MYPN: variants seen among roughly 807,000 people sequenced by gnomAD.
The protein encoded by MYPN is myopalladin, also known as sarcomeric protein myopalladin, 145 kDa (MYOP).
In MYPN, 63 loss-of-function variants were observed where a neutral mutation model predicts 129.4. The ratio of observed to expected loss-of-function variants is 0.49; its 90% CI spans 0.40 to 0.60. The LOEUF (loss-of-function observed/expected upper bound fraction) is 0.60, where lower values mean the gene tolerates loss of function less well. Ranked by LOEUF, MYPN falls within the 20% of genes least tolerant of loss-of-function variation. The probability of loss-of-function intolerance (pLI) is 0.00; values close to 1 mark genes in which losing one functional copy is unlikely to be tolerated. For missense variants in MYPN, 1,596 were observed against 1,635.4 expected (o/e 0.98, Z 0.42); for synonymous variants, 629 against 600.9 (o/e 1.05, Z -0.68).
intron 1 of MYPN, among the ~76,000 whole-genome samples, chr10:68,116,069 T>C (rs1411349271): frequency 6.6e-6 from 1 of 152,226 alleles, no homozygotes; most frequent in Non-Finnish European, 1.5e-5. Flanking sequence ...AGAATGTCAG[T>C]TCCATTAGGA....
intron 19 of MYPN, among the ~76,000 whole-genome samples, chr10:68,208,874 A>G (rs780325523): frequency 2.0e-4 from 30 of 152,120 alleles, no homozygotes; most frequent in Admixed American, 3.9e-4. Context: ...GAAATGCAGT[A>G]GTCCAGTTAA....
rs557963282 is a variant in MYPN at position 68,145,520 on chromosome 10, T to C, written c.1124T>C (p.Met375Thr). The change falls in exon 4 of 20, where the codon ATG (methionine) becomes ACG (threonine). Residue 375 changes from methionine (M) to threonine (T), a missense_variant. Coordinates refer to ENST00000358913, the MANE Select transcript of MYPN (RefSeq NM_032578.4). ...GAAGGCGACCCTAACAAGGAAGAGA[T>C]GAATCGGTAATTCTGATTTTCTGTC... is the stretch of plus-strand genomic sequence containing the variant. The part of the protein sequence containing the change: ...DSEGDPNKEE[M>T]NRIQKPNEVS... The C allele has an allele frequency of 8.1e-6, 13 of 1,612,924 alleles. No homozygotes were observed. In the East Asian group the frequency reaches 1.3e-4, roughly 17 times the overall value.
chr10:68,095,528 C>T (rs1365999247), intron 1 of MYPN, among the ~76,000 whole-genome samples: 1 of 152,180 alleles, frequency 6.6e-6, no homozygotes, highest in Non-Finnish European at 1.5e-5. Flanking sequence ...TACAACTCCA[C>T]AAACTGAGTA....
intron 2 of MYPN, among the ~76,000 whole-genome samples, chr10:68,123,415 G>A (rs1447566000): frequency 1.3e-5 from 2 of 149,350 alleles, no homozygotes; most frequent in African/African-American, 4.9e-5. Flanking sequence ...AGTGGCTCAC[G>A]CCTGCAATCC....
chr10:68,140,551 A>T (rs2042560894), intron 2 of MYPN, among the ~76,000 whole-genome samples: 1 of 152,054 alleles, frequency 6.6e-6, no homozygotes, highest in Non-Finnish European at 1.5e-5. Context: ...AATCATTCAG[A>T]ATTGATGGTA....
chr10:68,158,448 A>C (rs753430646), intron 6 of MYPN, 38 bp from the exon 7 acceptor site: 17 of 1,595,634 alleles, frequency 1.1e-5, no homozygotes, highest in Non-Finnish European at 1.4e-5. Context: ...AAAAATGTGT[A>C]CTTTTTTGTT....
intron 1 of MYPN, among the ~76,000 whole-genome samples, chr10:68,099,519 C>T (rs1162037392): frequency 6.6e-6 from 1 of 152,034 alleles, no homozygotes; most frequent in African/African-American, 2.4e-5. Flanking sequence ...CCTGTCATCC[C>T]AGCCTCATGT....
chr10:68,137,769 C>G (rs2042510028), intron 2 of MYPN, among the ~76,000 whole-genome samples: 1 of 151,522 alleles, frequency 6.6e-6, no homozygotes, highest in Admixed American at 6.6e-5. Flanking sequence ...TTTTTTTTTA[C>G]TTGAAATGTC....
At chr10:68,155,392 C>T (rs2042854924) in intron 6 of MYPN, among the ~76,000 whole-genome samples, 1 of 152,172 alleles carries the variant, frequency 6.6e-6, no homozygotes, top group Non-Finnish European at 1.5e-5. Context: ...TCCCAGATGA[C>T]CAGTTTAGTG....
chr10:68,160,688 G>C (rs887353892), intron 7 of MYPN, among the ~76,000 whole-genome samples: 1 of 151,762 alleles, frequency 6.6e-6, no homozygotes, highest in East Asian at 2.0e-4. Flanking sequence ...AGGCTGAGGC[G>C]GGCGGATCAC....
rs377505445 is a variant in MYPN, at chr10:68,148,383, T to A, written c.1161T>A (p.Pro387=). ...AGAAGCCAAATGAGGTGTCATCTCC[T>A]CCCACTACCTCTGCAGTCATTCCTC... The part of the protein sequence containing the change: ...RIQKPNEVSS[P]PTTSAVIPPA... The change falls in exon 5 of 20, where the codon CCT becomes CCA. Residue 387 remains proline, a synonymous_variant. Transcript: ENST00000358913. 8 of 1,614,114 alleles carry A rather than the reference T, an allele frequency of 5.0e-6. 1 individual carries two copies. In the South Asian group the frequency reaches 8.8e-5, roughly 18 times the overall value.
chr10:68,089,529 T>C (rs1283588438), intron 1 of MYPN, among the ~76,000 whole-genome samples: 1 of 151,884 alleles, frequency 6.6e-6, no homozygotes, highest in Non-Finnish European at 1.5e-5. Flanking sequence ...GTATTTTTAG[T>C]AGAGATGGGG....
chr10:68,108,700 GTTTA>G (rs1226096040), upstream of MYPN, among the ~76,000 whole-genome samples: 3 of 151,900 alleles, frequency 2.0e-5, no homozygotes, highest in African/African-American at 4.8e-5. Flanking sequence ...CTTTTTTCAA[GTTTA>G]TTTATTTATT....
upstream of MYPN, among the ~76,000 whole-genome samples, chr10:68,107,797 G>A (rs2042031531): frequency 6.6e-6 from 1 of 152,078 alleles, no homozygotes; most frequent in African/African-American, 2.4e-5. Context: ...TGGGTGAAAG[G>A]TAGAATACCA....
At chr10:68,100,364 T>C (rs967662941) in intron 1 of MYPN, among the ~76,000 whole-genome samples, 1 of 152,174 alleles carries the variant, frequency 6.6e-6, no homozygotes, top group East Asian at 1.9e-4. Flanking sequence ...GAAATCATGA[T>C]TGAAATTAGA....
rs544938406 is a variant in MYPN at position 68,205,356 on chromosome 10, T to A, written c.3660-1414T>A. Among the ~76,000 whole-genome samples, 12 of 152,162 alleles carry A rather than the reference T, an allele frequency of 7.9e-5. No individual in the cohort carries two copies. The South Asian group carries it at 2.5e-3, about 32-fold the overall frequency. On this transcript the variant is annotated intron_variant, in intron 18 of 19. Transcript: ENST00000358913. Reference sequence around the variant, plus strand: ...TTATTTATCTTTTATTTATTTATTTTCCATTAAACTTAGGGATCCTTCTAG... The same window carrying A: ...TTATTTATCTTTTATTTATTTATTTACCATTAAACTTAGGGATCCTTCTAG...
chr10:68,102,553 GT>G (rs781172301), upstream of MYPN, among the ~76,000 whole-genome samples: 10 of 152,264 alleles, frequency 6.6e-5, no homozygotes, highest in East Asian at 1.9e-3. Flanking sequence ...TTGAATGACA[GT>G]TTGTCTAGAA....
chr10:68,174,477 A>G lies in MYPN; in HGVS notation c.2385A>G (p.Pro795=), dbSNP rs754990762. The part of the protein sequence containing the change: ...LPPGPTEPTP[P]PFTFSIPSGN... ...CAGGCCCAACAGAACCAACACCACC[A>G]CCATTCACATTTTCCATCCCCAGCG... The change falls in exon 11 of 20, where the codon CCA becomes CCG. Residue 795 remains proline, a synonymous_variant. Coordinates refer to ENST00000358913, the MANE Select transcript of MYPN (RefSeq NM_032578.4). 8.1e-6 allele frequency: 13 copies of G among 1,613,684 alleles called. No homozygotes were observed. The South Asian group carries it at 1.3e-4, about 16-fold the overall frequency.
At chr10:68,203,720 C>CAGAGAGAGAGAGAG (rs371058853) in intron 18 of MYPN, among the ~76,000 whole-genome samples, 8,176 of 115,328 alleles carry the variant, frequency 0.071, 337 homozygotes, top group Non-Finnish European at 0.1. Context: ...CATACACACA[C>CAGAGAGAGAGAGAG]AGAGAGAGAG....
Sources: allele counts gnomAD v4.1 joint callset (sites outside exome capture counted in the v4.1 genomes callset), GRCh38; gene constraint gnomAD v4.1.1; transcripts MANE v1.5; gene names NCBI Gene and HGNC (gene_info 2026-07-23, HGNC 2026-07-21).